The following UBE2Q2 variants were observed in gnomAD, a reference collection of about 807,000 sequenced individuals.
UBE2Q2 encodes ubiquitin-conjugating enzyme E2 Q2.
Under a neutral mutation model 59.9 loss-of-function variants are expected in UBE2Q2, and 54 were observed. That is an observed-to-expected ratio of 0.90 (90% CI 0.72 to 1.13). UBE2Q2 has a LOEUF of 1.13. Among genes scored for constraint, UBE2Q2 ranks in the 50% most tolerant of loss-of-function variants. UBE2Q2 has a pLI of 0.00. For missense variants in UBE2Q2, 433 were observed against 441.9 expected, an observed-to-expected ratio of 0.98 and a Z score of 0.18; for synonymous variants, 165 against 155.2, an observed-to-expected ratio of 1.06 and a Z score of -0.47.
chr15:75,879,955 ATATC>A (rs1335139245), intron 8 of UBE2Q2, among the ~76,000 whole-genome samples: 2 of 152,192 alleles, frequency 1.3e-5, no homozygotes, highest in African/African-American at 4.8e-5. Flanking sequence ...ACTGAAAGGT[ATATC>A]TGCGCAGGCT....
chr15:75,876,130 A>G (rs1898065512), intron 5 of UBE2Q2, 57 bp from the exon 6 acceptor site: 3 of 1,495,000 alleles, frequency 2.0e-6, no homozygotes, highest in East Asian at 2.3e-5. Flanking sequence ...GATCAGGTTG[A>G]AATATCTTAA....
chr15:75,843,971 C>G, intron 1 of UBE2Q2, 125 bp downstream of exon 1: 1 of 1,405,032 alleles, frequency 7.1e-7, no homozygotes, highest in Non-Finnish European at 9.2e-7. Context: ...AGGCCCGCCC[C>G]TTTCCCCCGC....
intron 2 of UBE2Q2, among the ~76,000 whole-genome samples, chr15:75,856,041 G>A (rs1479845765): frequency 1.3e-5 from 2 of 151,992 alleles, no homozygotes; most frequent in African/African-American, 4.8e-5. Flanking sequence ...ACAAAAATTA[G>A]CAGGGTGTAG....
chr15:75,859,980 C>T lies in UBE2Q2; in HGVS notation c.385C>T (p.Gln129Ter). Residue 129 changes from glutamine (Q) to a stop codon, truncating the protein, a stop_gained and splice_region_variant, in exon 3 of 13, where the codon CAG becomes TAG. Coordinates refer to ENST00000267938, the MANE Select transcript of UBE2Q2 (RefSeq NM_173469.4). LOFTEE classifies it high-confidence loss of function. Reference protein sequence around the residue: ...EMLDQPLPTGQNGTTEEVTSE... With the variant: ...EMLDQPLPTG ...GCTAGATCAACCACTACCCACGGGT[C>T]AGGTAAAGTAAAAATTCTCTAGTGT... The T allele has an allele frequency of 1.3e-6, 2 of 1,586,648 alleles. No individual in the cohort carries two copies. The highest frequency in any genetic ancestry group is 1.7e-6 in the Non-Finnish European group (2 of 1,170,784).
Position 75,843,799 on chromosome 15 carries a change from A to AGCCCGCACTCGCTGCCGCC in UBE2Q2, c.137_155dup (p.Leu53AlafsTer29). On this transcript the variant is annotated frameshift_variant, in exon 1 of 13. Coordinates refer to ENST00000267938, the MANE Select transcript of UBE2Q2 (RefSeq NM_173469.4). LOFTEE classifies it high-confidence loss of function. Reference sequence around the variant, plus strand: ...CCAGTTCCTGGTGCCGCAGCAGGGCAGCCCGCACTCGCTGCCGCCGCCACT... The same window carrying AGCCCGCACTCGCTGCCGCC: ...CCAGTTCCTGGTGCCGCAGCAGGGCAGCCCGCACTCGCTGCCGCCGCCCGCACTCGCTGCCGCCGCCACT... 6.2e-7 allele frequency: 1 copy of AGCCCGCACTCGCTGCCGCC among 1,605,892 alleles called. No homozygotes were observed. The highest frequency in any genetic ancestry group is 8.5e-7 in the Non-Finnish European group (1 of 1,177,446).
chr15:75,859,897 G>A lies in UBE2Q2; in HGVS notation c.302G>A (p.Trp101Ter), dbSNP rs1427111204. Residue 101 changes from tryptophan to a stop codon, truncating the protein, a stop_gained, in exon 3 of 13, where the codon TGG (tryptophan) becomes TAG (stop). Coordinates refer to ENST00000267938, the MANE Select transcript of UBE2Q2 (RefSeq NM_173469.4). LOFTEE classifies it high-confidence loss of function. ...NNNLLRQQLKWLICELCSLYN... is the reference protein window; with the variant it reads ...NNNLLRQQLK ...TTGTAGCTTCGTCAGCAATTGAAGT[G>A]GTTGATATGTGAACTCTGCAGTTTA... 5.0e-6 allele frequency: 8 copies of A among 1,595,016 alleles called. No homozygotes were observed. In the East Asian group the frequency reaches 1.8e-4, roughly 36 times the overall value.
At chr15:75,884,412 T>G (rs1898637550) in intron 9 of UBE2Q2, among the ~76,000 whole-genome samples, 1 of 152,232 alleles carries the variant, frequency 6.6e-6, no homozygotes, top group Non-Finnish European at 1.5e-5. Context: ...TTTAGTTATA[T>G]TTGCTTTACA....
chr15:75,843,975 C>T (rs28631664), intron 1 of UBE2Q2, 129 bp downstream of exon 1: 3 of 1,403,256 alleles, frequency 2.1e-6, no homozygotes, highest in Admixed American at 6.3e-5. Context: ...CCGCCCCTTT[C>T]CCCCGCGACT....
chr15:75,891,159 A>G, intron 11 of UBE2Q2, 145 bp downstream of exon 11: 1 of 608,104 alleles, frequency 1.6e-6, no homozygotes, highest in Non-Finnish European at 2.8e-6. Context: ...AGTGATCTAT[A>G]GAAAATATGG....
intron 1 of UBE2Q2, among the ~76,000 whole-genome samples, chr15:75,852,654 A>G (rs543703319): frequency 8.7e-4 from 132 of 152,338 alleles, no homozygotes; most frequent in Non-Finnish European, 1.6e-3. Flanking sequence ...AGAAACCTAA[A>G]AACTAAAACA....
intron 5 of UBE2Q2, 30 bp from the exon 6 acceptor site, chr15:75,876,157 C>A: frequency 2.5e-6 from 4 of 1,607,884 alleles, no homozygotes; most frequent in Non-Finnish European, 3.4e-6. Context: ...GCTCAGCAGA[C>A]CCTGGTAAAC....
chr15:75,876,083 A>AAAAT (rs1555422042), intron 5 of UBE2Q2, 104 bp from the exon 6 acceptor site: 5 of 1,130,558 alleles, frequency 4.4e-6, no homozygotes, highest in Non-Finnish European at 5.0e-6. Flanking sequence ...AAAAAAAAAA[A>AAAAT]TGTTGAGTGG....
At chr15:75,879,050 AAAT>A in intron 7 of UBE2Q2, 45 bp from the exon 8 acceptor site, 1 of 1,418,578 alleles carries the variant, frequency 7.0e-7, no homozygotes, top group Non-Finnish European at 9.5e-7. Flanking sequence ...TTAAAAAAAA[AAAT>A]CTCTAACTTT....
intron 5 of UBE2Q2, 67 bp from the exon 6 acceptor site, chr15:75,876,120 G>C: frequency 1.5e-6 from 2 of 1,291,878 alleles, no homozygotes; most frequent in Non-Finnish European, 2.2e-6. Flanking sequence ...TAATCTTTTA[G>C]ATCAGGTTGA....
intron 1 of UBE2Q2, among the ~76,000 whole-genome samples, chr15:75,847,825 T>C (rs1896432284): frequency 6.6e-6 from 1 of 152,186 alleles, no homozygotes; most frequent in Non-Finnish European, 1.5e-5. Flanking sequence ...GTAAATTAGC[T>C]AGTAAACAAA....
Position 75,873,508 on chromosome 15 carries a change from AAAAG to A in UBE2Q2, c.532_535del (p.Glu178IlefsTer5). 6.2e-7 allele frequency: 1 copy of A among 1,614,060 alleles called. No homozygotes were observed. Among genetic ancestry groups the A allele is most frequent in the Non-Finnish European group, 8.5e-7 (1 of 1,179,962 alleles). ...AAAAGTCAGAGGATGAAGGAATTGA[AAAAG>A]AAAATTTGGCAATATTAGAGAAAAT... On this transcript the variant is annotated frameshift_variant, in exon 5 of 13. Coordinates refer to ENST00000267938, the MANE Select transcript of UBE2Q2 (RefSeq NM_173469.4). LOFTEE classifies it high-confidence loss of function.
intron 2 of UBE2Q2, among the ~76,000 whole-genome samples, chr15:75,854,869 G>A (rs1336504005): frequency 3.3e-5 from 5 of 151,974 alleles, no homozygotes; most frequent in African/African-American, 9.7e-5. Context: ...TTCTTTCAAG[G>A]GTCTGTAAGT....
intron 1 of UBE2Q2, among the ~76,000 whole-genome samples, chr15:75,853,459 ACT>A (rs1441263768): frequency 7.9e-5 from 12 of 151,646 alleles, no homozygotes; most frequent in Non-Finnish European, 1.5e-4. Flanking sequence ...ACAGAGCAAG[ACT>A]CTGTCTCGAG....
chr15:75,855,550 A>C (rs563518219), intron 2 of UBE2Q2, among the ~76,000 whole-genome samples: 1 of 152,256 alleles, frequency 6.6e-6, no homozygotes, highest in Admixed American at 6.5e-5. Context: ...ATAGAAAAAT[A>C]ATCATCATTA....
Sources: allele counts gnomAD v4.1 joint callset (sites outside exome capture counted in the v4.1 genomes callset), GRCh38; gene constraint gnomAD v4.1.1; transcripts MANE v1.5; gene names NCBI Gene and HGNC (gene_info 2026-07-23, HGNC 2026-07-21).